TNS4: variants seen among roughly 807,000 people sequenced by gnomAD.
The protein encoded by TNS4 is tensin-4.
TNS4 carries 46 observed loss-of-function variants against 70.4 expected under a neutral mutation model. The ratio of observed to expected loss-of-function variants is 0.65; its 90% CI spans 0.52 to 0.84. TNS4 has a LOEUF of 0.84. Ranked by LOEUF, TNS4 falls within the 40% of genes least tolerant of loss-of-function variation. The pLI is 0.00. For synonymous variants in TNS4, 390 were observed against 366.6 expected, an observed-to-expected ratio of 1.06 and a Z score of -0.73; for missense variants, 863 against 907.0, an observed-to-expected ratio of 0.95 and a Z score of 0.62.
At chr17:40,480,353 C>T (rs2035905577) in intron 9 of TNS4, among the ~76,000 whole-genome samples, 1 of 152,010 alleles carries the variant, frequency 6.6e-6, no homozygotes, top group African/African-American at 2.4e-5. Context: ...GACCTGACAC[C>T]CCATAGAGGA....
chr17:40,481,365 C>T (rs1428721016), intron 8 of TNS4, among the ~76,000 whole-genome samples: 2 of 152,000 alleles, frequency 1.3e-5, no homozygotes, highest in Non-Finnish European at 2.9e-5. Context: ...TTCTCTCTTT[C>T]TTTCTTTCTT....
chr17:40,500,322 C>T (rs1022220419), intron 1 of TNS4, among the ~76,000 whole-genome samples: 22 of 152,200 alleles, frequency 1.4e-4, no homozygotes, highest in Admixed American at 1.0e-3. Context: ...TAAGGCTCTG[C>T]GTCGCCCTTG....
At chr17:40,491,578 G>A (rs2036066249) in intron 2 of TNS4, among the ~76,000 whole-genome samples, 1 of 152,180 alleles carries the variant, frequency 6.6e-6, no homozygotes, top group Non-Finnish European at 1.5e-5. Flanking sequence ...AGGGTCTCTT[G>A]GCACAGTGAA....
At chr17:40,477,856 TC>T in intron 12 of TNS4, 127 bp from the exon 13 acceptor site, 1 of 822,712 alleles carries the variant, frequency 1.2e-6, no homozygotes, top group Non-Finnish European at 1.9e-6. Flanking sequence ...GCCAATTGAC[TC>T]CAGCACCTCC....
Position 40,482,144 on chromosome 17 carries a change from T to A in TNS4, c.1657A>T (p.Thr553Ser). 6.2e-7 allele frequency: 1 copy of A among 1,614,000 alleles called. No homozygotes were observed. The highest frequency in any genetic ancestry group is 8.5e-7 in the Non-Finnish European group (1 of 1,179,986). ...IMALALPCKL[T>S]IPQRELGGAD... ...CCAGACCCACCTCTCTGTGGGATGG[T>A]GAGTTTGCAGGGCAGGGCCAGGGCC... Residue 553 changes from threonine to serine, a missense_variant, in exon 8 of 13, where the codon ACC (threonine) becomes TCC (serine). Physicochemically the swap from Thr to Ser is moderately conservative, Grantham distance 58 (BLOSUM62 1). Coordinates refer to ENST00000254051, the MANE Select transcript of TNS4 (RefSeq NM_032865.6).
intron 3 of TNS4, among the ~76,000 whole-genome samples, 192 bp from the exon 4 acceptor site, chr17:40,487,652 T>C (rs1033461911): frequency 6.6e-6 from 1 of 152,090 alleles, no homozygotes; most frequent in Non-Finnish European, 1.5e-5. Flanking sequence ...GATACAGAAA[T>C]GTCCTTGGAT....
intron 1 of TNS4, among the ~76,000 whole-genome samples, chr17:40,500,649 T>G (rs1232501158): frequency 6.6e-6 from 1 of 152,182 alleles, no homozygotes; most frequent in Non-Finnish European, 1.5e-5. Flanking sequence ...CCTCTTCTCC[T>G]GACTTACTCT....
At chr17:40,478,697 G>A (rs978721764) in intron 10 of TNS4, 49 bp from the exon 11 acceptor site, 26 of 1,594,316 alleles carry the variant, frequency 1.6e-5, no homozygotes, top group Non-Finnish European at 1.8e-5. Flanking sequence ...CTGTCCCAGT[G>A]TCATCCTGCC....
Position 40,488,490 on chromosome 17 carries a change from G to A in TNS4, c.863+56C>T, listed in dbSNP as rs990421223. ...GTCCCTTTCAGTGATTTTAGGGGGT[G>A]CATGCGTGCGTGTGCCTGTGTGTGT... On this transcript the variant is annotated intron_variant, in intron 3 of 12. Coordinates refer to ENST00000254051, the MANE Select transcript of TNS4 (RefSeq NM_032865.6). 38 of 1,424,638 alleles carry A rather than the reference G, an allele frequency of 2.7e-5. No homozygotes were observed. In the African/African-American group the frequency reaches 4.4e-4, roughly 17 times the overall value. 88.2% of individuals were successfully genotyped at this position (1,424,638 alleles called of 1,614,324 possible). A position where few individuals can be genotyped will look rare whatever the true frequency, so the allele number is the denominator to read the frequency against.
At position 40,501,516 on chromosome 17, in the gene TNS4, A is replaced by G. The variant is rs1466180351; in HGVS notation, c.-96+18T>C. The G allele has an allele frequency of 2.0e-5, 3 of 151,684 alleles. No individual in the cohort carries two copies. The highest frequency in any genetic ancestry group is 4.4e-5 in the Non-Finnish European group (3 of 68,030). The allele number at this position is 151,684 out of a possible 1,614,324, so 9.4% of individuals were successfully genotyped here. On this transcript the variant is annotated intron_variant, in intron 1 of 12. Transcript: ENST00000254051. ...GGTGCTCCGTGTTCCTCTCTTCTTA[A>G]AGAATAAAGGCACCTACCTGGTGTC...
intron 10 of TNS4, 62 bp from the exon 11 acceptor site, chr17:40,478,710 C>T (rs2035882402): frequency 3.2e-6 from 5 of 1,572,730 alleles, no homozygotes; most frequent in Non-Finnish European, 4.4e-6. Flanking sequence ...ATCCTGCCTC[C>T]AGCATCTCTC....
Position 40,487,251 on chromosome 17 carries a change from G to T in TNS4, c.1073C>A (p.Ala358Asp). The T allele has an allele frequency of 6.2e-7, 1 of 1,614,210 alleles. No homozygotes were observed. The highest frequency in any genetic ancestry group is 8.5e-7 in the Non-Finnish European group (1 of 1,180,040). The stretch of plus-strand genomic sequence containing the variant: ...GGTGATGGATGGGGGGCAGCTGCTG[G>T]CATGTTCTTTGGCCAGTGGTGGAGA... ...PHSPPLAKEH[A>D]SSCPPSITNS... is the part of the protein sequence containing the mutation. The change falls in exon 4 of 13, where the codon GCC (alanine) becomes GAC (aspartate). Residue 358 changes from alanine to aspartate, a missense_variant. By Grantham distance (126) the Ala-to-Asp change is moderately radical. Transcript: ENST00000254051.
chr17:40,482,433 G>C lies in TNS4; in HGVS notation c.1502-17C>G. ...TGTCCTCACCTGGACAGAGAAGAAAGAGTGCATTCGGATAGAATTCCACCT... is the reference window on the plus strand; with the variant it reads ...TGTCCTCACCTGGACAGAGAAGAAACAGTGCATTCGGATAGAATTCCACCT... On this transcript the variant is annotated splice_polypyrimidine_tract_variant and intron_variant, in intron 6 of 12. Transcript: ENST00000254051. The C allele has an allele frequency of 6.2e-7, 1 of 1,613,032 alleles. No individual in the cohort carries two copies. The highest frequency in any genetic ancestry group is 1.1e-5 in the South Asian group (1 of 91,066).
intron 6 of TNS4, among the ~76,000 whole-genome samples, 172 bp downstream of exon 6, chr17:40,484,312 G>C (rs1394614188): frequency 6.6e-6 from 1 of 152,174 alleles, no homozygotes; most frequent in African/African-American, 2.4e-5. Flanking sequence ...TTTTCAGGGT[G>C]CCTTGGGGCT....
intron 5 of TNS4, 95 bp from the exon 6 acceptor site, chr17:40,484,704 C>T: frequency 2.6e-6 from 4 of 1,550,312 alleles, no homozygotes; most frequent in Non-Finnish European, 3.5e-6. Flanking sequence ...GTTACAGAGT[C>T]ACCTTTTGTC....
rs2035849446 is a variant in TNS4 at position 40,476,416 on chromosome 17, G to GTGTGTT, written c.*1171_*1172insAACACA. ...TGTGTGTGTGTGTGTGTGTGTGTGT[G>GTGTGTT]TGTGTGTGTGTGTTGGAGCGTGGGT... is the stretch of plus-strand genomic sequence containing the variant. On this transcript the variant is annotated 3_prime_UTR_variant, in exon 13 of 13. Coordinates refer to ENST00000254051, the MANE Select transcript of TNS4 (RefSeq NM_032865.6). 1 of 148,720 alleles carries GTGTGTT rather than the reference G, an allele frequency of 6.7e-6. No individual in the cohort carries two copies. Among genetic ancestry groups the GTGTGTT allele is most frequent in the Non-Finnish European group, 1.4e-5 (1 of 69,222 alleles). The allele number at this position is 148,720 out of a possible 1,614,324, so 9.2% of individuals were successfully genotyped here.
intron 2 of TNS4, 100 bp downstream of exon 2, chr17:40,495,887 C>T: frequency 7.4e-7 from 1 of 1,357,214 alleles, no homozygotes; most frequent in Non-Finnish European, 1.0e-6. Context: ...CAGCACCTCC[C>T]AACAGGACAG....
intron 10 of TNS4, among the ~76,000 whole-genome samples, chr17:40,479,408 A>G (rs549018468): frequency 1.8e-4 from 28 of 152,206 alleles, no homozygotes; most frequent in South Asian, 1.5e-3. Context: ...CGGCCTCCCA[A>G]AGTGCTGGGA....
At chr17:40,496,662 C>T (rs2036149715) in intron 1 of TNS4, 142 bp from the exon 2 acceptor site, 1 of 540,806 alleles carries the variant, frequency 1.8e-6, no homozygotes, top group South Asian at 2.4e-5. Flanking sequence ...AGCCTGGCTC[C>T]ACCACCTACT....
Sources: gnomAD v4.1 joint callset for allele counts (sites outside exome capture counted in the v4.1 genomes callset) on GRCh38, gnomAD v4.1.1 for gene constraint, MANE v1.5 for transcripts, NCBI Gene and HGNC (gene_info 2026-07-23, HGNC 2026-07-21) for gene names.